SGCZ: variants seen among roughly 807,000 people sequenced by gnomAD.
SGCZ encodes sarcoglycan zeta.
In SGCZ, 40 loss-of-function variants were observed where a neutral mutation model predicts 41.3. That is an observed-to-expected ratio of 0.97 (90% confidence interval 0.75 to 1.26). The LOEUF is 1.26. SGCZ is among the 50% of genes most tolerant of loss of function. The pLI is 0.00. For missense variants in SGCZ, 552 were observed against 369.8 expected, an observed-to-expected ratio of 1.49 and a Z score of -4.04; for synonymous variants, 206 against 137.5, an observed-to-expected ratio of 1.50 and a Z score of -3.49.
At chr8:14,665,045 G>T (rs1807863916) in intron 1 of SGCZ, among the ~76,000 whole-genome samples, 1 of 152,130 alleles carries the variant, frequency 6.6e-6, no homozygotes, top group South Asian at 2.1e-4. Context: ...CTAAGTTTTA[G>T]GGTACATATG....
intron 1 of SGCZ, among the ~76,000 whole-genome samples, chr8:15,110,218 G>T (rs1806994188): frequency 6.6e-6 from 1 of 152,166 alleles, no homozygotes. Flanking sequence ...GAGGTAGGAA[G>T]CAGGCCAGTC....
intron 3 of SGCZ, among the ~76,000 whole-genome samples, chr8:14,258,999 T>C (rs1585290406): frequency 6.6e-6 from 1 of 152,158 alleles, no homozygotes; most frequent in African/African-American, 2.4e-5. Context: ...CATCACATCA[T>C]ATATTTAGCT....
At chr8:14,692,608 T>TAAAAAA (rs1808834153) in intron 1 of SGCZ, among the ~76,000 whole-genome samples, 1 of 152,192 alleles carries the variant, frequency 6.6e-6, no homozygotes, top group Non-Finnish European at 1.5e-5. Flanking sequence ...AAAAAGCAAC[T>TAAAAAA]GCTTTGTGGA....
At chr8:14,828,180 A>G (rs1802403020) in intron 1 of SGCZ, among the ~76,000 whole-genome samples, 1 of 152,212 alleles carries the variant, frequency 6.6e-6, no homozygotes, top group Non-Finnish European at 1.5e-5. Context: ...CTTTACAAAA[A>G]GTTTATGGGA....
intron 1 of SGCZ, among the ~76,000 whole-genome samples, chr8:14,687,169 A>ATATATATATAT (rs1315442922): frequency 1.6e-5 from 2 of 127,052 alleles, no homozygotes; most frequent in Non-Finnish European, 3.6e-5. Context: ...AAAGAAAAAA[A>ATATATATATAT]AAATATATAT....
intron 1 of SGCZ, among the ~76,000 whole-genome samples, chr8:14,573,078 G>A (rs1804602885): frequency 6.6e-6 from 1 of 151,946 alleles, no homozygotes; most frequent in Non-Finnish European, 1.5e-5. Flanking sequence ...TACTACTGGT[G>A]GTAGGTAGTT....
intron 1 of SGCZ, among the ~76,000 whole-genome samples, chr8:15,138,225 T>C (rs761128289): frequency 6.6e-6 from 1 of 152,206 alleles, no homozygotes; most frequent in Non-Finnish European, 1.5e-5. Context: ...GTTTACCCAA[T>C]GCCTGTACTT....
intron 2 of SGCZ, among the ~76,000 whole-genome samples, chr8:14,450,298 G>A (rs1251236579): frequency 6.7e-6 from 1 of 149,628 alleles, no homozygotes; most frequent in Non-Finnish European, 1.5e-5. Context: ...ACACTCTCAT[G>A]AATTCCTAAT....
chr8:14,541,140 C>G (rs1803454369), intron 2 of SGCZ, among the ~76,000 whole-genome samples: 1 of 151,680 alleles, frequency 6.6e-6, no homozygotes, highest in Non-Finnish European at 1.5e-5. Context: ...GTGTAATTTT[C>G]TCTAATTTTA....
intron 1 of SGCZ, among the ~76,000 whole-genome samples, chr8:15,145,285 C>T (rs1222880997): frequency 2.0e-5 from 3 of 152,130 alleles, no homozygotes; most frequent in Non-Finnish European, 4.4e-5. Flanking sequence ...TAAAGCGTCA[C>T]CAAAACTAAA....
chr8:14,735,227 G>T lies in SGCZ; in HGVS notation c.40-180301C>A, dbSNP rs187161787. 1.8e-4 allele frequency among the ~76,000 whole-genome samples: 27 copies of T among 152,258 alleles called. No individual in the cohort carries two copies. The East Asian group carries it at 4.5e-3, about 25-fold the overall frequency. ...TGTCAACTTGATTGGATTAAAGGAT[G>T]CCTCCATAGCTGGTAAAGTATTGTT... On this transcript the variant is annotated intron_variant, in intron 1 of 7. Transcript: ENST00000382080.
chr8:14,298,494 T>C (rs1801089927), intron 3 of SGCZ, among the ~76,000 whole-genome samples: 1 of 152,008 alleles, frequency 6.6e-6, no homozygotes, highest in South Asian at 2.1e-4. Context: ...AACAGTGCTA[T>C]AAAATATACC....
chr8:14,975,978 GTA>G (rs1352609923), intron 1 of SGCZ, among the ~76,000 whole-genome samples: 1 of 132,294 alleles, frequency 7.6e-6, no homozygotes, highest in African/African-American at 2.7e-5. Flanking sequence ...GTGCGTGTGT[GTA>G]TGTGTGTATA....
At chr8:14,821,264 A>G (rs1802072080) in intron 1 of SGCZ, among the ~76,000 whole-genome samples, 1 of 152,014 alleles carries the variant, frequency 6.6e-6, no homozygotes, top group South Asian at 2.1e-4. Context: ...CTAAAATTAA[A>G]TTATGAGGAA....
chr8:14,873,061 G>T (rs115631150), intron 1 of SGCZ, among the ~76,000 whole-genome samples: 3,581 of 152,162 alleles, frequency 0.024, 51 homozygotes, highest in Middle Eastern at 0.048. Context: ...GAAGGAGTCA[G>T]GTTTTGGTTA....
intron 4 of SGCZ, among the ~76,000 whole-genome samples, chr8:14,212,425 C>T (rs905258920): frequency 3.3e-5 from 5 of 149,278 alleles, no homozygotes; most frequent in East Asian, 2.0e-4. Flanking sequence ...AGATGATCCC[C>T]CTGCCTCTTC....
chr8:14,946,327 C>CG (rs1365335724), intron 1 of SGCZ, among the ~76,000 whole-genome samples: 2 of 151,454 alleles, frequency 1.3e-5, no homozygotes, highest in African/African-American at 4.9e-5. Context: ...CTGCTAGTCT[C>CG]GGAGTGGCCA....
At chr8:15,026,714 T>C (rs1803471633) in intron 1 of SGCZ, among the ~76,000 whole-genome samples, 1 of 152,190 alleles carries the variant, frequency 6.6e-6, no homozygotes, top group South Asian at 2.1e-4. Context: ...TCAGTTATTG[T>C]CTCCATGAAC....
intron 2 of SGCZ, among the ~76,000 whole-genome samples, chr8:14,538,385 A>G (rs1045442414): frequency 4.6e-5 from 7 of 151,984 alleles, no homozygotes; most frequent in African/African-American, 1.7e-4. Context: ...TGAATAAAAC[A>G]TCAACACATG....
Sources: allele counts gnomAD v4.1 joint callset (sites outside exome capture counted in the v4.1 genomes callset), GRCh38; gene constraint gnomAD v4.1.1; transcripts MANE v1.5; gene names NCBI Gene and HGNC (gene_info 2026-07-23, HGNC 2026-07-21).